The following PHACTR4 variants were observed in gnomAD, a reference collection of about 807,000 sequenced individuals.
PHACTR4 encodes protein phosphatase 1, regulatory subunit 124.
In PHACTR4, 51 loss-of-function variants were observed where a neutral mutation model predicts 72.7. The observed-to-expected ratio is 0.70, with a 90% confidence interval of 0.56 to 0.89. PHACTR4 has a LOEUF of 0.89. PHACTR4 is among the 40% of genes least tolerant of loss of function. The pLI is 0.00. For missense variants in PHACTR4, 731 were observed against 861.8 expected (o/e 0.85, Z 1.90); for synonymous variants, 255 against 302.5 (o/e 0.84, Z 1.63).
rs1660147548 is a variant in PHACTR4, at chr1:28,479,614, G to A, written c.1607-837G>A. Among the ~76,000 whole-genome samples, 8 of 150,314 alleles carry A rather than the reference G, an allele frequency of 5.3e-5. No homozygotes were observed. In the South Asian group the frequency reaches 1.7e-3, roughly 31 times the overall value. On this transcript the variant is annotated intron_variant, in intron 8 of 13. Transcript: ENST00000373839. The stretch of plus-strand genomic sequence containing the variant: ...AAAAAAAAAAAAAGAGGCCAGGCGT[G>A]GTGGCTCACGCCTATAATCCCTGCA...
chr1:28,389,483 T>A (rs1185662293), intron 1 of PHACTR4, among the ~76,000 whole-genome samples: 1 of 150,538 alleles, frequency 6.6e-6, no homozygotes, highest in Non-Finnish European at 1.5e-5. Context: ...ACTACTTTTT[T>A]TTTTTTTTTT....
At position 28,369,743 on chromosome 1, in the gene PHACTR4, C is replaced by T. The variant is rs780122931; in HGVS notation, c.-121C>T. ...CCTCCCCGGGGGCCAAGGGCTCCGG[C>T]TGCTGCCTGGCGGCCAACGGGCCAG... On this transcript the variant is annotated 5_prime_UTR_variant, in exon 1 of 14. Transcript: ENST00000373839. 4.5e-6 allele frequency: 2 copies of T among 445,448 alleles called. No individual in the cohort carries two copies. The highest frequency in any genetic ancestry group is 2.5e-5 in the Admixed American group (1 of 40,432). 27.6% of individuals were successfully genotyped at this position (445,448 alleles called of 1,614,324 possible). A position where few individuals can be genotyped will look rare whatever the true frequency, so the allele number is the denominator to read the frequency against.
intron 2 of PHACTR4, among the ~76,000 whole-genome samples, chr1:28,434,483 A>G (rs1656502319): frequency 6.6e-6 from 1 of 151,844 alleles, no homozygotes; most frequent in African/African-American, 2.4e-5. Context: ...CACCAAGCCC[A>G]GCTAATTTTT....
chr1:28,493,216 T>C, intron 13 of PHACTR4, 125 bp downstream of exon 13: 1 of 797,306 alleles, frequency 1.3e-6, no homozygotes. Flanking sequence ...CAAGACTGCA[T>C]TCAAAGGGAT....
chr1:28,394,913 C>CTT (rs1052095461), intron 1 of PHACTR4, among the ~76,000 whole-genome samples: 14 of 127,086 alleles, frequency 1.1e-4, no homozygotes, highest in Non-Finnish European at 1.9e-4. Context: ...TCCTTTTTTT[C>CTT]TTTTTTTTTT....
intron 1 of PHACTR4, among the ~76,000 whole-genome samples, chr1:28,386,182 C>T (rs1226021917): frequency 1.3e-5 from 2 of 151,992 alleles, no homozygotes; most frequent in African/African-American, 4.8e-5. Flanking sequence ...CAGCCTCCAC[C>T]TCCCAGATTC....
At chr1:28,477,307 C>T (rs1454376337) in intron 8 of PHACTR4, among the ~76,000 whole-genome samples, 5 of 151,462 alleles carry the variant, frequency 3.3e-5, no homozygotes, top group South Asian at 2.1e-4. Flanking sequence ...AGGCTGGTCT[C>T]GAACTCGACC....
At position 28,424,802 on chromosome 1, in the gene PHACTR4, GT is replaced by G. The variant is rs573613418; in HGVS notation, c.16+17348del. Among the ~76,000 whole-genome samples, 38 of 147,428 alleles carry G rather than the reference GT, an allele frequency of 2.6e-4. No homozygotes were observed. The South Asian group carries it at 8.0e-3, about 31-fold the overall frequency. ...CGTGGCTGGCCTGTTTTTTTGTTGT[GT>G]TTTTTTTTGAGATGGAGTCGTGTTC... On this transcript the variant is annotated intron_variant, in intron 2 of 13. Coordinates refer to ENST00000373839, the MANE Select transcript of PHACTR4 (RefSeq NM_001048183.3).
At chr1:28,472,381 C>A (rs1659618251) in intron 6 of PHACTR4, among the ~76,000 whole-genome samples, 1 of 152,012 alleles carries the variant, frequency 6.6e-6, no homozygotes, top group Non-Finnish European at 1.5e-5. Flanking sequence ...CCCCTGTCAC[C>A]TCAGGTGGTA....
chr1:28,494,198 C>T (rs1023826619), intron 13 of PHACTR4: 1 of 136,092 alleles, frequency 7.3e-6, no homozygotes, highest in South Asian at 2.4e-4. Flanking sequence ...TCCATCCCTA[C>T]AAAAAAAAAA....
At chr1:28,446,930 C>T (rs111458772) in intron 2 of PHACTR4, among the ~76,000 whole-genome samples, 16 of 152,246 alleles carry the variant, frequency 1.1e-4, no homozygotes, top group African/African-American at 3.6e-4. Context: ...ATCATTCTTC[C>T]TATACAGACT....
intron 2 of PHACTR4, among the ~76,000 whole-genome samples, chr1:28,434,558 G>A (rs537951687): frequency 3.3e-5 from 5 of 152,072 alleles, no homozygotes; most frequent in South Asian, 2.1e-4. Context: ...CTGACCTTGC[G>A]ATCTGCCTAC....
chr1:28,494,852 C>T (rs1661248066), intron 13 of PHACTR4, among the ~76,000 whole-genome samples: 1 of 152,108 alleles, frequency 6.6e-6, no homozygotes, highest in African/African-American at 2.4e-5. Flanking sequence ...AGTTCATAAG[C>T]AGGAAATTCT....
intron 1 of PHACTR4, among the ~76,000 whole-genome samples, chr1:28,394,382 G>A (rs999357826): frequency 2.7e-5 from 4 of 149,928 alleles, no homozygotes; most frequent in African/African-American, 1.0e-4. Context: ...AGAAAAAAAA[G>A]AAAAGAAATC....
intron 2 of PHACTR4, among the ~76,000 whole-genome samples, chr1:28,458,090 A>G (rs930469764): frequency 4.3e-5 from 6 of 140,706 alleles, no homozygotes; most frequent in African/African-American, 1.6e-4. Flanking sequence ...CAAATCCTTA[A>G]TATTATGGTG....
At chr1:28,425,377 A>G (rs1175604289) in intron 2 of PHACTR4, among the ~76,000 whole-genome samples, 3 of 152,212 alleles carry the variant, frequency 2.0e-5, no homozygotes, top group African/African-American at 7.2e-5. Context: ...TTGGCCTCCC[A>G]AAGTGCTGGG....
At chr1:28,459,352 C>A in intron 3 of PHACTR4, 94 bp downstream of exon 3, 1 of 1,087,770 alleles carries the variant, frequency 9.2e-7, no homozygotes, top group Non-Finnish European at 1.3e-6. Flanking sequence ...TTCTGTAGTC[C>A]TCTATTTGAA....
intron 2 of PHACTR4, among the ~76,000 whole-genome samples, chr1:28,436,166 G>C (rs1656621305): frequency 6.6e-6 from 1 of 152,162 alleles, no homozygotes; most frequent in African/African-American, 2.4e-5. Flanking sequence ...CTAAGTACAG[G>C]AAAGTTCAGA....
intron 1 of PHACTR4, among the ~76,000 whole-genome samples, chr1:28,396,976 A>C (rs1280614813): frequency 6.6e-6 from 1 of 151,004 alleles, no homozygotes; most frequent in East Asian, 2.0e-4. Context: ...TGCAGGTGTG[A>C]GCCACCGTGC....
Sources: gnomAD v4.1 joint callset for allele counts (sites outside exome capture counted in the v4.1 genomes callset) on GRCh38, gnomAD v4.1.1 for gene constraint, MANE v1.5 for transcripts, NCBI Gene and HGNC (gene_info 2026-07-23, HGNC 2026-07-21) for gene names.